TXNDC8: variants seen among roughly 807,000 people sequenced by gnomAD.
TXNDC8 encodes the protein thioredoxin domain containing 8.
TXNDC8 carries 15 observed loss-of-function variants against 12.9 expected under a neutral mutation model. That is an observed-to-expected ratio of 1.16 (90% CI 0.78 to 1.79). TXNDC8 has a LOEUF of 1.79. Among genes scored for constraint, TXNDC8 ranks in the 40% most tolerant of loss-of-function variants. TXNDC8 has a pLI of 0.00. For synonymous variants in TXNDC8, 40 were observed against 35.4 expected (o/e 1.13, Z -0.46); for missense variants, 128 against 113.2 (o/e 1.13, Z -0.59).
intron 3 of TXNDC8, among the ~76,000 whole-genome samples, chr9:110,314,413 TTTTTTC>T (rs1267001188): frequency 5.9e-4 from 89 of 149,876 alleles, no homozygotes; most frequent in East Asian, 3.1e-3. Context: ...TTTTTTTTCT[TTTTTTC>T]TTTTTCTTTT....
intron 2 of TXNDC8, among the ~76,000 whole-genome samples, chr9:110,331,282 T>TC (rs1408841360): frequency 1.3e-5 from 2 of 152,172 alleles, no homozygotes; most frequent in African/African-American, 4.8e-5. Flanking sequence ...TTCTTAGATG[T>TC]CCAGAGGCCA....
At chr9:110,328,933 G>A (rs1219246225) in intron 2 of TXNDC8, among the ~76,000 whole-genome samples, 1 of 152,200 alleles carries the variant, frequency 6.6e-6, no homozygotes, top group Non-Finnish European at 1.5e-5. Flanking sequence ...AGGATTCTGA[G>A]GCAGAACGCA....
chr9:110,334,149 C>A, intron 2 of TXNDC8, 67 bp downstream of exon 2: 1 of 1,385,154 alleles, frequency 7.2e-7, no homozygotes, highest in South Asian at 1.4e-5. Context: ...TTAAGAATTA[C>A]TGGGAAAAAT....
intron 3 of TXNDC8, among the ~76,000 whole-genome samples, chr9:110,314,719 A>G (rs1199676925): frequency 6.6e-6 from 1 of 152,150 alleles, no homozygotes; most frequent in African/African-American, 2.4e-5. Context: ...GGCTTGAGCC[A>G]CCGCGCCCGG....
At position 110,337,835 on chromosome 9, in the gene TXNDC8, G is replaced by T. The variant is rs1287852815; in HGVS notation, c.-39C>A. On this transcript the variant is annotated 5_prime_UTR_variant, in exon 1 of 5. Transcript: ENST00000423740. ...AAGTGCTGATGAAAATCCCCTGTTGGTTTAGTTGGATCACTGTAGCTGTCT... is the reference window on the plus strand; with the variant it reads ...AAGTGCTGATGAAAATCCCCTGTTGTTTTAGTTGGATCACTGTAGCTGTCT... The T allele has an allele frequency of 2.5e-6, 4 of 1,607,134 alleles. No individual in the cohort carries two copies. The African/African-American group carries it at 5.4e-5, about 22-fold the overall frequency.
Position 110,325,069 on chromosome 9 carries a change from G to A in TXNDC8, c.195+1106C>T, listed in dbSNP as rs184782846. ...GGAGGTTGCAGTGAGCTGAGATGGG[G>A]AGATCATGCCACTGCTGTCCAGCCT... On this transcript the variant is annotated intron_variant, in intron 3 of 4. Coordinates refer to ENST00000423740, the MANE Select transcript of TXNDC8 (RefSeq NM_001286946.2). 7.9e-5 allele frequency among the ~76,000 whole-genome samples: 12 copies of A among 152,204 alleles called. No individual in the cohort carries two copies. The East Asian group carries it at 2.1e-3, about 27-fold the overall frequency.
chr9:110,303,157 TAA>T (rs964372952), downstream of TXNDC8, among the ~76,000 whole-genome samples: 1 of 152,176 alleles, frequency 6.6e-6, no homozygotes, highest in African/African-American at 2.4e-5. Flanking sequence ...ACGAGGGCAC[TAA>T]GACATTTATT....
At chr9:110,307,578 A>T (rs1472462903) in intron 3 of TXNDC8, among the ~76,000 whole-genome samples, 2 of 152,146 alleles carry the variant, frequency 1.3e-5, no homozygotes, top group East Asian at 3.9e-4. Context: ...AAATAAATAA[A>T]TCTTGGGGTC....
chr9:110,335,489 G>T (rs1453507447), intron 1 of TXNDC8, among the ~76,000 whole-genome samples: 3 of 152,312 alleles, frequency 2.0e-5, no homozygotes, highest in Admixed American at 6.5e-5. Flanking sequence ...TGCAACAATT[G>T]TAGCTAATTT....
intron 3 of TXNDC8, among the ~76,000 whole-genome samples, chr9:110,311,699 T>C (rs150426073): frequency 0.02 from 2,530 of 128,622 alleles, 109 homozygotes; most frequent in African/African-American, 0.073. Flanking sequence ...TATATATACA[T>C]GGATATACTA....
At chr9:110,331,572 A>G (rs1238272016) in intron 2 of TXNDC8, among the ~76,000 whole-genome samples, 1 of 152,114 alleles carries the variant, frequency 6.6e-6, no homozygotes, top group Non-Finnish European at 1.5e-5. Context: ...TCTTGCTTTG[A>G]TCTCTGACTG....
downstream of TXNDC8, chr9:110,303,387 T>G: frequency 1.0e-6 from 1 of 1,002,124 alleles, no homozygotes; most frequent in Non-Finnish European, 1.4e-6. Context: ...TGAGATTGCA[T>G]TATGGTATTC....
chr9:110,306,637 A>G lies in TXNDC8; in HGVS notation c.196-2105T>C, dbSNP rs1838479381. Among the ~76,000 whole-genome samples the G allele has an allele frequency of 2.0e-5, 3 of 152,326 alleles. No individual in the cohort carries two copies. The South Asian group carries it at 6.2e-4, about 32-fold the overall frequency. ...TATGAGCCACACTTACTGTGAACAA[A>G]ACTGACAAAATCCTCTCATGAGCTC... On this transcript the variant is annotated intron_variant, in intron 3 of 4. Transcript: ENST00000423740.
intron 3 of TXNDC8, among the ~76,000 whole-genome samples, chr9:110,319,632 T>C (rs1280333601): frequency 6.6e-6 from 1 of 152,190 alleles, no homozygotes; most frequent in Non-Finnish European, 1.5e-5. Flanking sequence ...AAGATGCTCT[T>C]TTGGGAGATG....
intron 3 of TXNDC8, chr9:110,322,798 A>G (rs1214777717): frequency 1.0e-6 from 1 of 985,460 alleles, no homozygotes; most frequent in East Asian, 1.1e-4. Flanking sequence ...GGATGCAGGG[A>G]AAAAACAGAA....
rs780089362 is a variant in TXNDC8, at chr9:110,326,251, A to C, written c.130-11T>G. 3 of 1,613,870 alleles carry C rather than the reference A, an allele frequency of 1.9e-6. No individual in the cohort carries two copies. The highest frequency in any genetic ancestry group is 2.5e-6 in the Non-Finnish European group (3 of 1,179,894). ...AGTTTCAGCCAGCTCCTGGGAAAGC[A>C]AAGAAATGGCATGAAGTTACAGTAT... On this transcript the variant is annotated splice_polypyrimidine_tract_variant and intron_variant, in intron 2 of 4. Coordinates refer to ENST00000423740, the MANE Select transcript of TXNDC8 (RefSeq NM_001286946.2).
Position 110,304,537 on chromosome 9 carries a change from G to C in TXNDC8, c.196-5C>G. On this transcript the variant is annotated splice_region_variant and splice_polypyrimidine_tract_variant and intron_variant, in intron 3 of 4. Coordinates refer to ENST00000423740, the MANE Select transcript of TXNDC8 (RefSeq NM_001286946.2). ...GATTCTTGAGAATAGGGTTACCTAAGTGTGGGTGCAGAATTTCATAATTTA... is the reference window on the plus strand; with the variant it reads ...GATTCTTGAGAATAGGGTTACCTAACTGTGGGTGCAGAATTTCATAATTTA... 1 of 1,603,868 alleles carries C rather than the reference G, an allele frequency of 6.2e-7. No homozygotes were observed. Among genetic ancestry groups the C allele is most frequent in the Non-Finnish European group, 8.5e-7 (1 of 1,173,510 alleles).
intron 2 of TXNDC8, among the ~76,000 whole-genome samples, chr9:110,331,733 A>T (rs1839550974): frequency 6.6e-6 from 1 of 152,114 alleles, no homozygotes; most frequent in African/African-American, 2.4e-5. Context: ...TGCAACCTAG[A>T]TCCCTCGCAT....
At chr9:110,326,903 A>G (rs931868590) in intron 2 of TXNDC8, among the ~76,000 whole-genome samples, 6 of 148,478 alleles carry the variant, frequency 4.0e-5, no homozygotes, top group African/African-American at 1.5e-4. Flanking sequence ...TATACCAATC[A>G]TTTTGTTGGC....
Sources: gnomAD v4.1 joint callset for allele counts (sites outside exome capture counted in the v4.1 genomes callset) on GRCh38, gnomAD v4.1.1 for gene constraint, MANE v1.5 for transcripts, NCBI Gene and HGNC (gene_info 2026-07-23, HGNC 2026-07-21) for gene names.